The following CALHM5 variants were observed in gnomAD, a reference collection of about 807,000 sequenced individuals.
CALHM5 encodes calcium homeostasis modulator protein 5.
Under a neutral mutation model 20.9 loss-of-function variants are expected in CALHM5, and 17 were observed. The observed-to-expected ratio is 0.82, with a 90% CI of 0.56 to 1.22. The LOEUF is 1.22. Ranked by LOEUF, CALHM5 falls within the 50% of genes most tolerant of loss-of-function variation. The pLI is 0.00. For missense variants in CALHM5, 360 were observed against 364.6 expected (o/e 0.99, Z 0.10); for synonymous variants, 148 against 140.0 (o/e 1.06, Z -0.40).
In CALHM5 at chr6:116,516,708, TACACACACACAG is replaced by T. The variant is rs1772235933; in HGVS notation, c.*721_*732del. 8.4e-6 allele frequency: 1 copy of T among 119,648 alleles called. No individual in the cohort carries two copies. Among genetic ancestry groups the T allele is most frequent in the South Asian group, 2.8e-4 (1 of 3,632 alleles). 7.4% of individuals were successfully genotyped at this position (119,648 alleles called of 1,614,324 possible). On this transcript the variant is annotated 3_prime_UTR_variant, in exon 2 of 2. Transcript: ENST00000368599. ...ATATATATATATATATATATATATA[TACACACACACAG>T]AAATATATATTTATAACTGCATTGA...
intron 1 of CALHM5, 174 bp downstream of exon 1, chr6:116,512,410 G>T: frequency 1.4e-6 from 1 of 694,868 alleles, no homozygotes; most frequent in South Asian, 2.4e-5. Flanking sequence ...AGGCTGGGTG[G>T]CTCAATAAAG....
chr6:116,519,778 T>C lies in CALHM5; in HGVS notation c.*3789T>C, dbSNP rs1423237815. On this transcript the variant is annotated 3_prime_UTR_variant, in exon 2 of 2. Transcript: ENST00000368599. Reference sequence around the variant, plus strand: ...GGAATATACTCAAGGAAAAATTTCATGGCACAAAATGCTGATTCTGTCCAA... The same window carrying C: ...GGAATATACTCAAGGAAAAATTTCACGGCACAAAATGCTGATTCTGTCCAA... 2 of 152,236 alleles carry C rather than the reference T, an allele frequency of 1.3e-5. No homozygotes were observed. Among genetic ancestry groups the C allele is most frequent in the African/African-American group, 4.8e-5 (2 of 41,472 alleles). 9.4% of individuals were successfully genotyped at this position (152,236 alleles called of 1,614,324 possible). A position where few individuals can be genotyped will look rare whatever the true frequency, so the allele number is the denominator to read the frequency against.
At position 116,515,774 on chromosome 6, in the gene CALHM5, G is replaced by A. The variant is rs756870417; in HGVS notation, c.715G>A (p.Glu239Lys). The A allele has an allele frequency of 1.3e-5, 21 of 1,613,888 alleles. No homozygotes were observed. Among genetic ancestry groups the A allele is most frequent in the African/African-American group, 4.0e-5 (3 of 74,908 alleles). Residue 239 changes from glutamate to lysine, a missense_variant, in exon 2 of 2, where the codon GAG (glutamate) becomes AAG (lysine). Physicochemically the swap from Glu to Lys is moderately conservative, Grantham distance 56. Coordinates refer to ENST00000368599, the MANE Select transcript of CALHM5 (RefSeq NM_153711.5). ...TCTGGACTATGCCAACAAGCTGAGC[G>A]AGAGGAACCTGAAATGTTTTTTTGA... is the stretch of plus-strand genomic sequence containing the variant. ...TFLDYANKLSERNLKCFFENK... is the reference protein window; with the variant it reads ...TFLDYANKLSKRNLKCFFENK...
Position 116,516,053 on chromosome 6 carries a change from AT to A in CALHM5, c.*65del. Reference sequence around the variant, plus strand: ...GCTCATTCTGTGATCCTCCTAACGTATCACCAGCAACCTGTGTGTCTCTGTA... The same window carrying A: ...GCTCATTCTGTGATCCTCCTAACGTACACCAGCAACCTGTGTGTCTCTGTA... On this transcript the variant is annotated 3_prime_UTR_variant, in exon 2 of 2. Transcript: ENST00000368599. 6.7e-7 allele frequency: 1 copy of A among 1,501,372 alleles called. No homozygotes were observed. Among genetic ancestry groups the A allele is most frequent in the Non-Finnish European group, 8.9e-7 (1 of 1,124,286 alleles). The allele number at this position is 1,501,372 out of a possible 1,614,324, so 93.0% of individuals were successfully genotyped here.
rs1293350913 is a variant in CALHM5, at chr6:116,516,675, A to G, written c.*686A>G. ...AGTAGTAACAAATATATATATATATATATATATATATATATATATATATAT... is the reference window on the plus strand; with the variant it reads ...AGTAGTAACAAATATATATATATATGTATATATATATATATATATATATAT... On this transcript the variant is annotated 3_prime_UTR_variant, in exon 2 of 2. Coordinates refer to ENST00000368599, the MANE Select transcript of CALHM5 (RefSeq NM_153711.5). 2 of 53,010 alleles carry G rather than the reference A, an allele frequency of 3.8e-5. No homozygotes were observed. Among genetic ancestry groups the G allele is most frequent in the Non-Finnish European group, 9.3e-5 (2 of 21,538 alleles). 3.3% of individuals were successfully genotyped at this position (53,010 alleles called of 1,614,324 possible). A position where few individuals can be genotyped will look rare whatever the true frequency, so the allele number is the denominator to read the frequency against.
intron 1 of CALHM5, among the ~76,000 whole-genome samples, chr6:116,513,698 G>A (rs1772169155): frequency 6.6e-6 from 1 of 152,206 alleles, no homozygotes; most frequent in African/African-American, 2.4e-5. Context: ...CAGATAGGCA[G>A]GAGGCAGCAT....
rs1257928470 is a variant in CALHM5 at position 116,524,772 on chromosome 6, AG to A, written c.*8784del. ...TCATTTTCTTATATTTCAATAAAAA[AG>A]TTGGAAAATTTTCAACTTATTTTCC... On this transcript the variant is annotated 3_prime_UTR_variant, in exon 2 of 2. Transcript: ENST00000368599. 12 of 152,162 alleles carry A rather than the reference AG, an allele frequency of 7.9e-5. No homozygotes were observed. Among genetic ancestry groups the A allele is most frequent in the Non-Finnish European group, 1.3e-4 (9 of 68,022 alleles). 9.4% of individuals were successfully genotyped at this position (152,162 alleles called of 1,614,324 possible). A position where few individuals can be genotyped will look rare whatever the true frequency, so the allele number is the denominator to read the frequency against.
rs1189141466 is a variant in CALHM5, at chr6:116,521,678, C to T, written c.*5689C>T. 6.6e-6 allele frequency: 1 copy of T among 152,218 alleles called. No homozygotes were observed. The highest frequency in any genetic ancestry group is 1.5e-5 in the Non-Finnish European group (1 of 68,058). 9.4% of individuals were successfully genotyped at this position (152,218 alleles called of 1,614,324 possible). ...CCAATCTTTTTTGGAAACACCCCTA[C>T]ATACATACCCAGAAATAATGCTTTA... On this transcript the variant is annotated 3_prime_UTR_variant, in exon 2 of 2. Coordinates refer to ENST00000368599, the MANE Select transcript of CALHM5 (RefSeq NM_153711.5).
rs1235176772 is a variant in CALHM5 at position 116,515,907 on chromosome 6, G to C, written c.848G>C (p.Arg283Thr). 1 of 1,613,882 alleles carries C rather than the reference G, an allele frequency of 6.2e-7. No homozygotes were observed. The highest frequency in any genetic ancestry group is 1.7e-5 in the Admixed American group (1 of 59,976). Reference protein sequence around the residue: ...QSQQHYSTLHRVVDNGLQLSP... With the variant: ...QSQQHYSTLHTVVDNGLQLSP... The stretch of plus-strand genomic sequence containing the variant: ...CAGCAACACTATAGCACCCTCCACA[G>C]AGTGGTGGACAATGGTCTGCAACTT... The change falls in exon 2 of 2, where the codon AGA becomes ACA. Residue 283 changes from arginine (R) to threonine (T), a missense_variant. By Grantham distance (71) the Arg-to-Thr change is moderately conservative. Coordinates refer to ENST00000368599, the MANE Select transcript of CALHM5 (RefSeq NM_153711.5).
At chr6:116,513,497 G>T (rs1772164613) in intron 1 of CALHM5, among the ~76,000 whole-genome samples, 1 of 152,176 alleles carries the variant, frequency 6.6e-6, no homozygotes, top group Non-Finnish European at 1.5e-5. Flanking sequence ...ACTTATCATT[G>T]TGTGAGCTTC....
intron 1 of CALHM5, 75 bp downstream of exon 1, chr6:116,512,311 G>A: frequency 6.9e-7 from 1 of 1,443,406 alleles, no homozygotes; most frequent in African/African-American, 1.4e-5. Flanking sequence ...TTCAGCCAGG[G>A]CTGTCTGTGT....
In CALHM5 at chr6:116,520,937, T is replaced by G. The variant is rs1035897696; in HGVS notation, c.*4948T>G. The G allele has an allele frequency of 6.6e-6, 1 of 151,956 alleles. No individual in the cohort carries two copies. Among genetic ancestry groups the G allele is most frequent in the African/African-American group, 2.4e-5 (1 of 41,370 alleles). The allele number at this position is 151,956 out of a possible 1,614,324, so 9.4% of individuals were successfully genotyped here. On this transcript the variant is annotated 3_prime_UTR_variant, in exon 2 of 2. Coordinates refer to ENST00000368599, the MANE Select transcript of CALHM5 (RefSeq NM_153711.5). ...GCATTTTTTTTTTTATGAATTTAAA[T>G]TGGTTCTAGCTAAGCAATTTTGGAG...
chr6:116,520,886 A>G lies in CALHM5; in HGVS notation c.*4897A>G, dbSNP rs931326227. 4.6e-5 allele frequency: 7 copies of G among 152,042 alleles called. No individual in the cohort carries two copies. The highest frequency in any genetic ancestry group is 2.9e-5 in the Non-Finnish European group (2 of 68,016). The allele number at this position is 152,042 out of a possible 1,614,324, so 9.4% of individuals were successfully genotyped here. On this transcript the variant is annotated 3_prime_UTR_variant, in exon 2 of 2. Coordinates refer to ENST00000368599, the MANE Select transcript of CALHM5 (RefSeq NM_153711.5). ...ATACCATGGGTTTTCTTGGGCTGGG[A>G]TGAACTTTCAGAAGTTTTACAGTGA...
In CALHM5 at chr6:116,515,793, T is replaced by G. The variant is rs768554689; in HGVS notation, c.734T>G (p.Phe245Cys). 6.2e-7 allele frequency: 1 copy of G among 1,614,018 alleles called. No individual in the cohort carries two copies. Among genetic ancestry groups the G allele is most frequent in the Admixed American group, 1.7e-5 (1 of 59,962 alleles). ...NKLSERNLKC[F>C]FENKRPDPFP... Reference sequence around the variant, plus strand: ...CTGAGCGAGAGGAACCTGAAATGTTTTTTTGAAAACAAGAGGCCAGATCCT... The same window carrying G: ...CTGAGCGAGAGGAACCTGAAATGTTGTTTTGAAAACAAGAGGCCAGATCCT... The change falls in exon 2 of 2, where the codon TTT (phenylalanine) becomes TGT (cysteine). Residue 245 changes from phenylalanine (F) to cysteine (C), a missense_variant. Coordinates refer to ENST00000368599, the MANE Select transcript of CALHM5 (RefSeq NM_153711.5).
chr6:116,513,950 T>C (rs1251544687), intron 1 of CALHM5, among the ~76,000 whole-genome samples: 2 of 152,190 alleles, frequency 1.3e-5, no homozygotes, highest in Non-Finnish European at 2.9e-5. Flanking sequence ...AGTTTTCTCA[T>C]AGTTAGTGGT....
At chr6:116,512,378 T>A in intron 1 of CALHM5, 142 bp downstream of exon 1, 1 of 964,294 alleles carries the variant, frequency 1.0e-6, no homozygotes, top group Non-Finnish European at 1.5e-6. Context: ...GCATTGAGAC[T>A]ATCTCAGGAA....
chr6:116,512,411 C>A, intron 1 of CALHM5, 175 bp downstream of exon 1: 1 of 695,458 alleles, frequency 1.4e-6, no homozygotes, highest in Non-Finnish European at 2.3e-6. Context: ...GGCTGGGTGG[C>A]TCAATAAAGT....
chr6:116,519,911 C>G lies in CALHM5; in HGVS notation c.*3922C>G, dbSNP rs1447576165. On this transcript the variant is annotated 3_prime_UTR_variant, in exon 2 of 2. Transcript: ENST00000368599. ...AACCACTTAATTCAGCTTTAGGATA[C>G]ATTCAGCTTATTCATATCAAATATA... The G allele has an allele frequency of 6.6e-6, 1 of 151,542 alleles. No homozygotes were observed. Among genetic ancestry groups the G allele is most frequent in the Non-Finnish European group, 1.5e-5 (1 of 67,920 alleles). The allele number at this position is 151,542 out of a possible 1,614,324, so 9.4% of individuals were successfully genotyped here.
chr6:116,523,426 T>C lies in CALHM5; in HGVS notation c.*7437T>C, dbSNP rs2115175750. 1 of 152,378 alleles carries C rather than the reference T, an allele frequency of 6.6e-6. No individual in the cohort carries two copies. Among genetic ancestry groups the C allele is most frequent in the South Asian group, 2.1e-4 (1 of 4,834 alleles). 9.4% of individuals were successfully genotyped at this position (152,378 alleles called of 1,614,324 possible). A position where few individuals can be genotyped will look rare whatever the true frequency, so the allele number is the denominator to read the frequency against. On this transcript the variant is annotated 3_prime_UTR_variant, in exon 2 of 2. Transcript: ENST00000368599. ...TCTAAGTGATTGTTGTCTGAGTACG[T>C]GAAAAGCTATTGTCTTATGCTTATT...
Sources: gnomAD v4.1 joint callset for allele counts (sites outside exome capture counted in the v4.1 genomes callset) on GRCh38, gnomAD v4.1.1 for gene constraint, MANE v1.5 for transcripts, NCBI Gene and HGNC (gene_info 2026-07-23, HGNC 2026-07-21) for gene names.